SMIM36: variants seen among roughly 807,000 people sequenced by gnomAD.
SMIM36 encodes small integral membrane protein 36.
chr17:55,504,321 C>T (rs796231669), intron 1 of SMIM36, among the ~76,000 whole-genome samples: 1 of 59,570 alleles, frequency 1.7e-5, no homozygotes, highest in Non-Finnish European at 2.6e-5. Context: ...CCACATACTT[C>T]GAAGTAAAGC....
At chr17:55,508,045 C>T (rs758762256) in intron 1 of SMIM36, among the ~76,000 whole-genome samples, 13 of 152,076 alleles carry the variant, frequency 8.5e-5, no homozygotes, top group Non-Finnish European at 1.8e-4. Context: ...CTGGATTAGC[C>T]CTAAATGCAA....
intron 4 of SMIM36, among the ~76,000 whole-genome samples, chr17:55,462,428 T>A (rs1024420343): frequency 2.0e-5 from 3 of 152,020 alleles, no homozygotes; most frequent in African/African-American, 7.3e-5. Flanking sequence ...CTTAGCAACG[T>A]AGCAAGACCT....
At chr17:55,516,719 C>T in the SMIM36 span, among the ~76,000 whole-genome samples, 4 of 151,830 alleles carry the variant, frequency 2.6e-5, no homozygotes, top group Admixed American at 6.6e-5. Context: ...CCACCACGCC[C>T]GGCTAATTTT....
At chr17:55,515,086 G>GTTTTTTTTTTTTTTT (rs1158864125), upstream of SMIM36, among the ~76,000 whole-genome samples, 2 of 54,086 alleles carry the variant, frequency 3.7e-5, no homozygotes, top group Non-Finnish European at 6.3e-5. Context: ...CTAGTCTAGT[G>GTTTTTTTTTTTTTTT]TTTTTTTTTT....
At chr17:55,473,896 C>T (rs1032297531) in intron 3 of SMIM36, among the ~76,000 whole-genome samples, 1 of 152,088 alleles carries the variant, frequency 6.6e-6, no homozygotes, top group African/African-American at 2.4e-5. Context: ...GCAGACAGCC[C>T]GGCGCGTCAC....
intron 4 of SMIM36, among the ~76,000 whole-genome samples, chr17:55,460,455 A>AAAAAAAAAAC (rs1567862737): frequency 3.4e-5 from 5 of 148,806 alleles, no homozygotes; most frequent in African/African-American, 1.3e-4. Context: ...AACAAAACAA[A>AAAAAAAAAAC]AAAAAAGAAC....
At chr17:55,454,768 A>C (rs1163404765) in intron 4 of SMIM36, among the ~76,000 whole-genome samples, 1 of 152,226 alleles carries the variant, frequency 6.6e-6, no homozygotes, top group Non-Finnish European at 1.5e-5. Flanking sequence ...TATTTGAGGA[A>C]AACATAATAC....
rs1567870495 is a variant in SMIM36, at chr17:55,500,801, A to AATATATTATAATATATTATATTTTATAAT, written c.*174+10049_*174+10077dup. 5.2e-3 allele frequency among the ~76,000 whole-genome samples: 188 copies of AATATATTATAATATATTATATTTTATAAT among 36,324 alleles called. 41 individuals are homozygous for AATATATTATAATATATTATATTTTATAAT. The highest frequency in any genetic ancestry group is 0.011 in the African/African-American group (18 of 1,598). The allele number at this position is 36,324 out of a possible 152,430, so 23.8% of individuals were successfully genotyped here. A position where few individuals can be genotyped will look rare whatever the true frequency, so the allele number is the denominator to read the frequency against. On this transcript the variant is annotated intron_variant, in intron 1 of 4. Coordinates refer to ENST00000636752, the Ensembl canonical transcript of SMIM36. ...TATAATATATTATTATATATTTTAT[A>AATATATTATAATATATTATATTTTATAAT]ATATATTATAATATATTATATTTTA...
the SMIM36 span, among the ~76,000 whole-genome samples, chr17:55,523,489 C>G: frequency 6.8e-6 from 1 of 147,464 alleles, no homozygotes; most frequent in African/African-American, 2.5e-5. Flanking sequence ...GAGATTGTGC[C>G]ATTGCACTCC....
At chr17:55,501,818 C>CG (rs1909988391) in intron 1 of SMIM36, among the ~76,000 whole-genome samples, 1 of 151,076 alleles carries the variant, frequency 6.6e-6, no homozygotes, top group Admixed American at 6.6e-5. Flanking sequence ...TCTGAGGTAC[C>CG]GGGTTCATCT....
chr17:55,528,535 C>T, the SMIM36 span, among the ~76,000 whole-genome samples: 1 of 148,646 alleles, frequency 6.7e-6, no homozygotes, highest in African/African-American at 2.5e-5. Flanking sequence ...TCAAGGAAGT[C>T]TTTTTTTTTC....
At position 55,497,341 on chromosome 17, in the gene SMIM36, C is replaced by T. The variant is rs868515553; in HGVS notation, c.*174+13538G>A. On this transcript the variant is annotated intron_variant, in intron 1 of 4. Coordinates refer to ENST00000636752, the Ensembl canonical transcript of SMIM36. ...GTGCAATGGCGTGACCTTGGCTCAC[C>T]GCAACTTCTGCCTCCCGGGTTCAAG... Among the ~76,000 whole-genome samples, 15 of 152,058 alleles carry T rather than the reference C, an allele frequency of 9.9e-5. No individual in the cohort carries two copies. In the South Asian group the frequency reaches 2.7e-3, roughly 27 times the overall value.
At chr17:55,520,872 T>C in the SMIM36 span, among the ~76,000 whole-genome samples, 22 of 152,226 alleles carry the variant, frequency 1.4e-4, no homozygotes, top group African/African-American at 5.3e-4. Flanking sequence ...GGCTCACACC[T>C]GTAATCCCAG....
intron 4 of SMIM36, among the ~76,000 whole-genome samples, chr17:55,466,467 T>C (rs574254469): frequency 8.5e-5 from 13 of 152,100 alleles, no homozygotes; most frequent in African/African-American, 2.9e-4. Flanking sequence ...ATGATAAATG[T>C]AGGACAAAAG....
chr17:55,451,734 A>C (rs1041254517), intron 4 of SMIM36, among the ~76,000 whole-genome samples: 2 of 152,176 alleles, frequency 1.3e-5, no homozygotes, highest in African/African-American at 4.8e-5. Context: ...TATTTCCTGC[A>C]CAAAAGATTT....
At chr17:55,511,286 G>A (rs1437919181) in exon 1 of SMIM36, 1 of 398,586 alleles carries the variant, frequency 2.5e-6, no homozygotes, top group Non-Finnish European at 4.4e-6. Context: ...CTCGCAACTA[G>A]GATGATCAGG....
intron 3 of SMIM36, among the ~76,000 whole-genome samples, chr17:55,469,981 T>TA (rs55821488): frequency 6.0e-5 from 9 of 149,196 alleles, no homozygotes; most frequent in Non-Finnish European, 1.0e-4. Context: ...AAACTCCATC[T>TA]AAAAAAAAAA....
intron 3 of SMIM36, among the ~76,000 whole-genome samples, chr17:55,474,298 C>T (rs988315956): frequency 6.6e-6 from 1 of 152,178 alleles, no homozygotes; most frequent in African/African-American, 2.4e-5. Context: ...CTTTAGGTGG[C>T]TTAGGCCTGT....
chr17:55,493,866 G>C (rs1909761882), intron 1 of SMIM36, among the ~76,000 whole-genome samples: 1 of 147,818 alleles, frequency 6.8e-6, no homozygotes, highest in Non-Finnish European at 1.5e-5. Context: ...TGGAGCCAAA[G>C]TGGGCAGAGA....
Sources: gnomAD v4.1 joint callset for allele counts (sites outside exome capture counted in the v4.1 genomes callset) on GRCh38, gnomAD v4.1.1 for gene constraint, MANE v1.5 for transcripts, NCBI Gene and HGNC (gene_info 2026-07-23, HGNC 2026-07-21) for gene names.